The following TUBGCP2 variants were observed in gnomAD, a reference collection of about 807,000 sequenced individuals.
TUBGCP2 encodes the protein gamma-tubulin complex component 2.
A neutral mutation model predicts 92.2 loss-of-function variants in TUBGCP2; 55 were observed. That is an observed-to-expected ratio of 0.60 (90% CI 0.48 to 0.75). The LOEUF is 0.75. Among genes scored for constraint, TUBGCP2 ranks in the 30% least tolerant of loss-of-function variants. The pLI is 0.00. For synonymous variants in TUBGCP2, 533 were observed against 505.2 expected (o/e 1.06, Z -0.74); for missense variants, 1,093 against 1,188.9 (o/e 0.92, Z 1.19).
intron 16 of TUBGCP2, among the ~76,000 whole-genome samples, 193 bp downstream of exon 16, chr10:133,282,030 G>C (rs569694936): frequency 6.6e-6 from 1 of 152,388 alleles, no homozygotes; most frequent in South Asian, 2.1e-4. Flanking sequence ...GGCTGAAGTG[G>C]GGACCAGAGA....
chr10:133,309,173 G>T, upstream of TUBGCP2: 1 of 1,372,614 alleles, frequency 7.3e-7, no homozygotes, highest in South Asian at 1.7e-5. Flanking sequence ...CCGGAGCCTG[G>T]AGTGGGAGGG....
chr10:133,285,608 G>T lies in TUBGCP2; in HGVS notation c.1743C>A (p.Asp581Glu), dbSNP rs1178987493. Residue 581 changes from aspartate (D) to glutamate (E), a missense_variant, in exon 12 of 18, where the codon GAC becomes GAA. Asp to Glu is a conservative substitution (Grantham distance 45, BLOSUM62 2). Coordinates refer to ENST00000252936, the MANE Select transcript of TUBGCP2 (RefSeq NM_006659.4). This position sits in a 1 kb window ranked among gnomAD's most constrained non-coding sequence, Gnocchi z 6.8. ...GGACGCGCAAGAGCTGAGTGATGAG[G>T]TCATGGGGCATCAGGTCGATCTTGG... ...DDLKIDLMPH[D>E]LITQLLRVLA... 1 of 1,520,110 alleles carries T rather than the reference G, an allele frequency of 6.6e-7. No homozygotes were observed. The highest frequency in any genetic ancestry group is 8.8e-7 in the Non-Finnish European group (1 of 1,132,930). The allele number at this position is 1,520,110 out of a possible 1,614,324, so 94.2% of individuals were successfully genotyped here. A position where few individuals can be genotyped will look rare whatever the true frequency, so the allele number is the denominator to read the frequency against.
chr10:133,295,201 C>T (rs935554813), intron 5 of TUBGCP2: 1 of 152,270 alleles, frequency 6.6e-6, no homozygotes, highest in African/African-American at 2.4e-5. Context: ...AATCCCATCA[C>T]TTTAGGAGGC....
In TUBGCP2 at chr10:133,285,587, G is replaced by T; in HGVS notation, c.1764C>A (p.Arg588=). ...CCTGCTTGGTCTCGATGGCCAGGAC[G>T]CGCAAGAGCTGAGTGATGAGGTCAT... ...MPHDLITQLL[R]VLAIETKQEK... The change falls in exon 12 of 18, where the codon CGC becomes CGA. Residue 588 remains arginine, a synonymous_variant. Coordinates refer to ENST00000252936, the MANE Select transcript of TUBGCP2 (RefSeq NM_006659.4). This position sits in a 1 kb window ranked among gnomAD's most constrained non-coding sequence, Gnocchi z 6.8. 1 of 1,545,360 alleles carries T rather than the reference G, an allele frequency of 6.5e-7. No homozygotes were observed.
chr10:133,279,834 T>G lies in TUBGCP2; in HGVS notation c.2641A>C (p.Thr881Pro). The G allele has an allele frequency of 1.3e-6, 2 of 1,595,250 alleles. No homozygotes were observed. The highest frequency in any genetic ancestry group is 1.7e-6 in the Non-Finnish European group (2 of 1,172,206). Reference sequence around the variant, plus strand: ...CCCCGCAGGACAGGCACTTGGGGGGTGGCCTTCTGGCTCCTCTCTGCAGAC... The same window carrying G: ...CCCCGCAGGACAGGCACTTGGGGGGGGGCCTTCTGGCTCCTCTCTGCAGAC... ...RLSAERSQKATPQVPVLRGPP... is the reference protein window; with the variant it reads ...RLSAERSQKAPPQVPVLRGPP... Residue 881 changes from threonine to proline, a missense_variant, in exon 18 of 18, where the codon ACC (threonine) becomes CCC (proline). Coordinates refer to ENST00000252936, the MANE Select transcript of TUBGCP2 (RefSeq NM_006659.4).
chr10:133,307,770 G>T (rs1200357567), intron 1 of TUBGCP2, among the ~76,000 whole-genome samples: 1 of 152,046 alleles, frequency 6.6e-6, no homozygotes, highest in East Asian at 1.9e-4. Context: ...GAAACGTATG[G>T]TTACATGATT....
In TUBGCP2 at chr10:133,283,077, C is replaced by A. The variant is rs767337369; in HGVS notation, c.2289+1G>T. 7 of 1,614,176 alleles carry A rather than the reference C, an allele frequency of 4.3e-6. No individual in the cohort carries two copies. The highest frequency in any genetic ancestry group is 4.2e-6 in the Non-Finnish European group (5 of 1,180,036). On this transcript the variant is annotated splice_donor_variant, in intron 15 of 17. Transcript: ENST00000252936. LOFTEE classifies it high-confidence loss of function. ...CGATGGTGCTACCCACACCCACGCA[C>A]CTGCATGCAGTTGGTGAACATGACG...
chr10:133,302,650 G>T, intron 2 of TUBGCP2, 142 bp downstream of exon 2: 1 of 1,029,928 alleles, frequency 9.7e-7, no homozygotes. Context: ...CCCTCACCCA[G>T]GAATGGTGCT....
chr10:133,300,844 TG>T (rs2136136231), intron 2 of TUBGCP2, among the ~76,000 whole-genome samples: 1 of 152,358 alleles, frequency 6.6e-6, no homozygotes, highest in African/African-American at 2.4e-5. Context: ...ATGCGTTCAT[TG>T]TATACATTTC....
At chr10:133,281,999 G>T (rs1238964366) in intron 16 of TUBGCP2, among the ~76,000 whole-genome samples, 1 of 152,272 alleles carries the variant, frequency 6.6e-6, no homozygotes, top group Admixed American at 6.5e-5. Flanking sequence ...AAGATCTGTG[G>T]GGGTTCCCTC....
Position 133,285,143 on chromosome 10 carries a change from A to G in TUBGCP2, c.1966T>C (p.Cys656Arg). ...GTTTTGTTGCTGATCCAGACGCTGC[A>G]GAGCTGCCGCTCCACGTGCTTGCAG... is the stretch of plus-strand genomic sequence containing the variant. ...FYCKHVERQLCSVWISNKTAK... is the reference protein window; with the variant it reads ...FYCKHVERQLRSVWISNKTAK... The change falls in exon 13 of 18, where the codon TGC becomes CGC. Residue 656 changes from cysteine (C) to arginine (R), a missense_variant. By Grantham distance (180) the Cys-to-Arg change is radical. Around this residue, in one of 3 missense-constraint regions of TUBGCP2, gnomAD observed 598 missense variants for 675.5 expected, o/e 0.89. Coordinates refer to ENST00000252936, the MANE Select transcript of TUBGCP2 (RefSeq NM_006659.4). This position sits in a 1 kb window ranked among gnomAD's most constrained non-coding sequence, Gnocchi z 6.8. 1 of 1,613,376 alleles carries G rather than the reference A, an allele frequency of 6.2e-7. No homozygotes were observed.
chr10:133,288,992 A>G lies in TUBGCP2; in HGVS notation c.1389T>C (p.Cys463=). 1 of 1,613,444 alleles carries G rather than the reference A, an allele frequency of 6.2e-7. No homozygotes were observed. The highest frequency in any genetic ancestry group is 8.5e-7 in the Non-Finnish European group (1 of 1,179,696). The change falls in exon 10 of 18, where the codon TGT becomes TGC. Residue 463 remains cysteine (C), a synonymous_variant. Transcript: ENST00000252936. The stretch of plus-strand genomic sequence containing the variant: ...CCACCGGGCAGGTGACGTCATGGCC[A>G]CACTCTCTGACCACATTTAGATATT... ...TGKYLNVVRE[C]GHDVTCPVAK...
At position 133,285,626 on chromosome 10, in the gene TUBGCP2, G is replaced by A. The variant is rs1038581541; in HGVS notation, c.1725C>T (p.Ile575=). 6.6e-6 allele frequency: 10 copies of A among 1,505,998 alleles called. No individual in the cohort carries two copies. Among genetic ancestry groups the A allele is most frequent in the South Asian group, 1.4e-5 (1 of 72,146 alleles). The allele number at this position is 1,505,998 out of a possible 1,614,324, so 93.3% of individuals were successfully genotyped here. The change falls in exon 12 of 18, where the codon ATC becomes ATT. Residue 575 remains isoleucine, a splice_region_variant and synonymous_variant. Coordinates refer to ENST00000252936, the MANE Select transcript of TUBGCP2 (RefSeq NM_006659.4). The surrounding 1 kb of genome is among the most constrained non-coding windows in gnomAD (Gnocchi z 6.8). ...TGATGAGGTCATGGGGCATCAGGTC[G>A]ATCTTGGAGGGAAGGAAATGAAACA... ...NTDPFKDDLK[I]DLMPHDLITQ...
rs1257496821 is a variant in TUBGCP2, at chr10:133,290,284, A to T, written c.1215-315T>A. The T allele has an allele frequency of 1.1e-5, 3 of 284,684 alleles. No individual in the cohort carries two copies. The Middle Eastern group carries it at 3.8e-3, about 363-fold the overall frequency. The allele number at this position is 284,684 out of a possible 1,614,324, so 17.6% of individuals were successfully genotyped here. A position where few individuals can be genotyped will look rare whatever the true frequency, so the allele number is the denominator to read the frequency against. On this transcript the variant is annotated intron_variant, in intron 8 of 17. Coordinates refer to ENST00000252936, the MANE Select transcript of TUBGCP2 (RefSeq NM_006659.4). ...CTGAGGTGGGCAGATCACGAAGTCA[A>T]GAGATCAAGACCATCCTGGCCAACA... is the stretch of plus-strand genomic sequence containing the variant.
intron 14 of TUBGCP2, 34 bp downstream of exon 14, chr10:133,283,848 T>C: frequency 6.2e-7 from 1 of 1,609,836 alleles, no homozygotes; most frequent in East Asian, 2.2e-5. Flanking sequence ...GAAAGTGGCT[T>C]TCAAACGTTA....
chr10:133,289,593 C>T lies in TUBGCP2; in HGVS notation c.1360+231G>A, dbSNP rs112672330. Among the ~76,000 whole-genome samples the T allele has an allele frequency of 8.8e-3, 1,333 of 152,290 alleles. 17 individuals carry two copies. The highest frequency in any genetic ancestry group is 0.029 in the African/African-American group (1,225 of 41,542). ...CCTCGCAGGGTCAGGGACAGAGTCC[C>T]GGAGATGGAAACCTGAGGGAACCTG... On this transcript the variant is annotated intron_variant, in intron 9 of 17. Coordinates refer to ENST00000252936, the MANE Select transcript of TUBGCP2 (RefSeq NM_006659.4).
At chr10:133,289,563 G>C in intron 9 of TUBGCP2, among the ~76,000 whole-genome samples, 1 of 152,210 alleles carries the variant, frequency 6.6e-6, no homozygotes, top group East Asian at 1.9e-4. Flanking sequence ...GCACCTGTGA[G>C]AGAGCCTCGC....
intron 1 of TUBGCP2, among the ~76,000 whole-genome samples, chr10:133,306,926 G>A (rs184246431): frequency 6.6e-6 from 1 of 152,336 alleles, no homozygotes; most frequent in African/African-American, 2.4e-5. Context: ...TGGGGACCGG[G>A]CCTCCAAGAG....
chr10:133,288,223 A>T lies in TUBGCP2; in HGVS notation c.1628T>A (p.Val543Glu). ...CAGGCGAGGGGGCGTGATGTCCTCC[A>T]CCGGCTTCCGGAGCTCCTCCTCCGC... ...DLAEEELRKP[V>E]EDITPPRLEA... The change falls in exon 11 of 18, where the codon GTG becomes GAG. Residue 543 changes from valine to glutamate, a missense_variant. Val to Glu is a moderately radical substitution (Grantham distance 121, BLOSUM62 -2). This residue lies in a region of TUBGCP2 where 598 missense variants were observed against 675.5 expected (regional missense o/e 0.89). Coordinates refer to ENST00000252936, the MANE Select transcript of TUBGCP2 (RefSeq NM_006659.4). 1 of 1,613,824 alleles carries T rather than the reference A, an allele frequency of 6.2e-7. No individual in the cohort carries two copies. Among genetic ancestry groups the T allele is most frequent in the Non-Finnish European group, 8.5e-7 (1 of 1,179,940 alleles).
Sources: gnomAD v4.1 joint callset for allele counts (sites outside exome capture counted in the v4.1 genomes callset) on GRCh38, gnomAD v4.1.1 for gene constraint, gnomAD v4.1.1 regional missense constraint, Gnocchi (gnomAD v3.1) non-coding constraint, MANE v1.5 for transcripts, NCBI Gene and HGNC (gene_info 2026-07-23, HGNC 2026-07-21) for gene names.